The following DLGAP2 variants were observed in gnomAD, a reference collection of about 807,000 sequenced individuals.
DLGAP2 encodes the protein DLG associated protein 2.
In DLGAP2, 26 loss-of-function variants were observed where a neutral mutation model predicts 100.3. The observed-to-expected ratio is 0.26, with a 90% CI of 0.19 to 0.36. The LOEUF is 0.36. Among genes scored for constraint, DLGAP2 ranks in the 10% least tolerant of loss-of-function variants. DLGAP2 has a pLI of 1.00. For synonymous variants in DLGAP2, 886 were observed against 630.1 expected (o/e 1.41, Z -6.08); for missense variants, 1,858 against 1,453.2 (o/e 1.28, Z -4.53).
chr8:1,218,950 G>A (rs190784765), intron 2 of DLGAP2, among the ~76,000 whole-genome samples: 1 of 152,232 alleles, frequency 6.6e-6, no homozygotes, highest in East Asian at 1.9e-4. Flanking sequence ...GAATAGAAAT[G>A]CTATTAATTT....
intron 8 of DLGAP2, among the ~76,000 whole-genome samples, chr8:1,667,061 G>A (rs1798561904): frequency 6.6e-6 from 1 of 152,056 alleles, no homozygotes; most frequent in African/African-American, 2.4e-5. Context: ...GCCTCCCACT[G>A]TGTGTGTGTG....
rs1449434041 is a variant in DLGAP2 at position 1,702,993 on chromosome 8, C to G, written c.*1587C>G. 1 of 152,654 alleles carries G rather than the reference C, an allele frequency of 6.6e-6. No individual in the cohort carries two copies. Among genetic ancestry groups the G allele is most frequent in the Non-Finnish European group, 1.5e-5 (1 of 68,124 alleles). The allele number at this position is 152,654 out of a possible 1,614,324, so 9.5% of individuals were successfully genotyped here. A position where few individuals can be genotyped will look rare whatever the true frequency, so the allele number is the denominator to read the frequency against. ...GATTTGCACTTTACAATGTCCCCAG[C>G]CCCTCTGCAGCCCGTGGCTGGCAGG... On this transcript the variant is annotated 3_prime_UTR_variant, in exon 15 of 15. Transcript: ENST00000637795.
chr8:1,261,694 G>A (rs1799353930), intron 3 of DLGAP2, among the ~76,000 whole-genome samples: 1 of 152,216 alleles, frequency 6.6e-6, no homozygotes, highest in Admixed American at 6.5e-5. Flanking sequence ...GGAGGAGGAA[G>A]GGTTTGTGGC....
intron 2 of DLGAP2, among the ~76,000 whole-genome samples, chr8:1,066,562 G>C (rs1412753646): frequency 1.3e-5 from 2 of 149,612 alleles, no homozygotes; most frequent in African/African-American, 5.0e-5. Flanking sequence ...ACCACGGTCA[G>C]GTCTGAGTGA....
chr8:1,449,824 T>A (rs1450362179), intron 3 of DLGAP2, among the ~76,000 whole-genome samples: 1 of 143,050 alleles, frequency 7.0e-6, no homozygotes, highest in Non-Finnish European at 1.5e-5. Context: ...GTGGGCGGCC[T>A]CGGTGGCTGT....
chr8:1,245,327 T>C (rs115822159), intron 2 of DLGAP2, among the ~76,000 whole-genome samples: 550 of 152,262 alleles, frequency 3.6e-3, no homozygotes, highest in African/African-American at 0.013. Context: ...TACTCAAAGA[T>C]AGAAACAACC....
chr8:1,598,989 C>G (rs889418956), intron 6 of DLGAP2, among the ~76,000 whole-genome samples: 8 of 152,182 alleles, frequency 5.3e-5, no homozygotes, highest in African/African-American at 1.9e-4. Flanking sequence ...TTCCCACTTT[C>G]TCCTGTGGGC....
intron 2 of DLGAP2, among the ~76,000 whole-genome samples, chr8:1,121,295 A>C (rs1796040586): frequency 6.6e-6 from 1 of 150,894 alleles, no homozygotes; most frequent in Non-Finnish European, 1.5e-5. Context: ...TCCAGTTAGA[A>C]GCCATGGCCA....
At chr8:983,462 A>C (rs113173418) in intron 2 of DLGAP2, among the ~76,000 whole-genome samples, 3 of 147,092 alleles carry the variant, frequency 2.0e-5, no homozygotes, top group African/African-American at 7.5e-5. Context: ...ATGTTCTTCT[A>C]TCCCTTAGAA....
rs145968770 is a variant in DLGAP2, at chr8:1,254,775, T to C, written c.74-4076T>C. ...GTGAGTGTGCAGAGTTGTTGACTTT[T>C]GGATTTTAGCTTCCCTGGCCCACGC... On this transcript the variant is annotated intron_variant, in intron 2 of 14. Coordinates refer to ENST00000637795, the MANE Select transcript of DLGAP2 (RefSeq NM_001346810.2). Among the ~76,000 whole-genome samples the C allele has an allele frequency of 2.9e-3, 444 of 151,922 alleles. 2 individuals are homozygous for C. The highest frequency in any genetic ancestry group is 0.01 in the African/African-American group (426 of 41,406).
At chr8:1,684,289 A>G (rs919612320) in intron 12 of DLGAP2, among the ~76,000 whole-genome samples, 3 of 151,978 alleles carry the variant, frequency 2.0e-5, no homozygotes, top group African/African-American at 7.3e-5. Context: ...CAGATGTCAA[A>G]ACACTTGTTA....
At chr8:969,803 CTG>C (rs1163619854) in intron 2 of DLGAP2, among the ~76,000 whole-genome samples, 1 of 152,104 alleles carries the variant, frequency 6.6e-6, no homozygotes, top group Admixed American at 6.6e-5. Context: ...GCATCAGACT[CTG>C]ATTTATTGTT....
intron 3 of DLGAP2, among the ~76,000 whole-genome samples, chr8:1,475,477 C>A (rs536811799): frequency 6.4e-4 from 97 of 152,264 alleles, no homozygotes; most frequent in African/African-American, 2.0e-3. Flanking sequence ...AATGAGAGCA[C>A]TCCGCACCCC....
At chr8:1,534,186 G>A (rs1801078022) in intron 4 of DLGAP2, among the ~76,000 whole-genome samples, 1 of 152,164 alleles carries the variant, frequency 6.6e-6, no homozygotes, top group South Asian at 2.1e-4. Context: ...AGGAGCCCCT[G>A]ATCTTGTTTC....
chr8:1,039,058 T>C (rs994417411), intron 2 of DLGAP2, among the ~76,000 whole-genome samples: 10 of 152,212 alleles, frequency 6.6e-5, no homozygotes, highest in Admixed American at 6.5e-4. Flanking sequence ...CAGCCCCACT[T>C]TCCTCCTTTA....
chr8:1,342,773 A>G (rs1211517519), intron 3 of DLGAP2, among the ~76,000 whole-genome samples: 1 of 152,228 alleles, frequency 6.6e-6, no homozygotes, highest in East Asian at 1.9e-4. Flanking sequence ...TGTGTGTTGA[A>G]GTGCCGGAAA....
chr8:1,071,329 G>A (rs1007797922), intron 2 of DLGAP2, among the ~76,000 whole-genome samples: 2 of 152,096 alleles, frequency 1.3e-5, no homozygotes, highest in East Asian at 1.9e-4. Flanking sequence ...TAACCACTTC[G>A]GCCGCCTCCA....
At chr8:962,735 ACAGGGGTGGCCGTAGCGG>A (rs1799756312) in intron 2 of DLGAP2, among the ~76,000 whole-genome samples, 1 of 152,194 alleles carries the variant, frequency 6.6e-6, no homozygotes, top group Non-Finnish European at 1.5e-5. Context: ...CTATGACTCC[ACAGGGGTGGCCGTAGCGG>A]CAGGGGTGGT....
chr8:1,467,936 C>T (rs964179529), intron 3 of DLGAP2, among the ~76,000 whole-genome samples: 2 of 152,210 alleles, frequency 1.3e-5, no homozygotes, highest in South Asian at 2.1e-4. Context: ...TAAATAAATA[C>T]GTTCTGAGGC....
Sources: gnomAD v4.1 joint callset for allele counts (sites outside exome capture counted in the v4.1 genomes callset) on GRCh38, gnomAD v4.1.1 for gene constraint, MANE v1.5 for transcripts, NCBI Gene and HGNC (gene_info 2026-07-23, HGNC 2026-07-21) for gene names.